Variants in AAMDC observed in about 807,000 individuals in gnomAD.
The protein encoded by AAMDC is mth938 domain-containing protein.
A neutral mutation model predicts 15.5 loss-of-function variants in AAMDC; 16 were observed. The observed-to-expected ratio is 1.03, with a 90% CI of 0.70 to 1.57. The LOEUF (loss-of-function observed/expected upper bound fraction) is 1.57, where lower values mean the gene tolerates loss of function less well. Ranked by LOEUF, AAMDC falls within the 40% of genes most tolerant of loss-of-function variation. AAMDC has a pLI of 0.00. For synonymous variants in AAMDC, 51 were observed against 51.6 expected (o/e 0.99, Z 0.05); for missense variants, 141 against 144.9 (o/e 0.97, Z 0.14).
At chr11:77,825,424 A>G (rs1435692712) in intron 1 of AAMDC, among the ~76,000 whole-genome samples, 1 of 152,222 alleles carries the variant, frequency 6.6e-6, no homozygotes. Flanking sequence ...AAGCTAAAAC[A>G]AGCTGCGCAC....
In AAMDC at chr11:77,853,949, A is replaced by G. The variant is rs1950502994; in HGVS notation, c.132+11321A>G. Among the ~76,000 whole-genome samples the G allele has an allele frequency of 1.3e-5, 2 of 151,800 alleles. 1 individual carries two copies. The highest frequency in any genetic ancestry group is 4.1e-4 in the South Asian group (2 of 4,820). ...GAGTGAGACTCCGTCTCAAAAAAAT[A>G]AACAAATAAATACAACCATGCCTTC... On this transcript the variant is annotated intron_variant, in intron 2 of 3. Transcript: ENST00000393427.
chr11:77,868,905 C>T (rs1488105384), intron 2 of AAMDC: 2 of 203,928 alleles, frequency 9.8e-6, no homozygotes, highest in Non-Finnish European at 2.0e-5. Context: ...TCTTAGTGTG[C>T]TTAATGTGCT....
chr11:77,850,671 A>G (rs1037283746), intron 2 of AAMDC: 1 of 152,198 alleles, frequency 6.6e-6, no homozygotes, highest in African/African-American at 2.4e-5. Context: ...CAGAATAGTT[A>G]TGTGAATAAT....
intron 2 of AAMDC, among the ~76,000 whole-genome samples, chr11:77,852,191 C>T (rs1313585126): frequency 3.9e-5 from 4 of 102,768 alleles, no homozygotes; most frequent in African/African-American, 1.6e-4. Flanking sequence ...GTGAGCTTCA[C>T]TCCAGCCTGG....
At chr11:77,869,637 C>T in intron 2 of AAMDC, 85 bp from the exon 3 acceptor site, 2 of 1,324,990 alleles carry the variant, frequency 1.5e-6, no homozygotes, top group Non-Finnish European at 2.2e-6. Context: ...GTAGACATTT[C>T]TTGAATGAAT....
intron 2 of AAMDC, among the ~76,000 whole-genome samples, chr11:77,845,601 T>C (rs986341194): frequency 5.3e-5 from 8 of 152,112 alleles, no homozygotes; most frequent in Non-Finnish European, 1.0e-4. Context: ...CAGCTCTTTT[T>C]GTATTTTTAG....
chr11:77,873,112 T>G (rs1951501072), downstream of AAMDC, among the ~76,000 whole-genome samples: 1 of 152,338 alleles, frequency 6.6e-6, no homozygotes, highest in South Asian at 2.1e-4. Flanking sequence ...CACCTTATTT[T>G]TAATTTTTCT....
At chr11:77,854,193 C>T (rs1184527332) in intron 2 of AAMDC, among the ~76,000 whole-genome samples, 3 of 152,016 alleles carry the variant, frequency 2.0e-5, no homozygotes, top group African/African-American at 4.8e-5. Context: ...GGGGTTTCAT[C>T]GTGTTAGCCA....
intron 5 of AAMDC, chr11:77,878,736 T>G (rs1951678056): frequency 1.4e-6 from 1 of 695,772 alleles, no homozygotes; most frequent in Admixed American, 2.1e-5. Context: ...TTTTCTCAAC[T>G]TTATTGTGGA....
At chr11:77,876,852 TC>T (rs1457466238), downstream of AAMDC, 3 of 626,258 alleles carry the variant, frequency 4.8e-6, no homozygotes, top group African/African-American at 5.5e-5. Flanking sequence ...GGGGTACTTA[TC>T]TGAAAAATAT....
At chr11:77,877,086 T>C (rs1253357307), downstream of AAMDC, 1 of 701,680 alleles carries the variant, frequency 1.4e-6, no homozygotes, top group Non-Finnish European at 2.6e-6. Flanking sequence ...CTGGAGTTAA[T>C]CATTCTTCCC....
intron 1 of AAMDC, chr11:77,829,516 G>C (rs1312504277): frequency 6.6e-6 from 1 of 152,162 alleles, no homozygotes; most frequent in African/African-American, 2.4e-5. Flanking sequence ...GGAAAGAATA[G>C]TTTTTGCAAC....
intron 2 of AAMDC, 54 bp downstream of exon 2, chr11:77,842,682 A>T: frequency 6.3e-7 from 1 of 1,598,054 alleles, no homozygotes; most frequent in Non-Finnish European, 8.5e-7. Context: ...GTGATTTCCA[A>T]CTTCCTAAGC....
At chr11:77,877,268 T>C (rs1951625483), downstream of AAMDC, among the ~76,000 whole-genome samples, 1 of 149,662 alleles carries the variant, frequency 6.7e-6, no homozygotes, top group Admixed American at 6.7e-5. Context: ...AATTAATTAA[T>C]GTAAAGAGCT....
At chr11:77,822,165 C>T (rs1383546416) in intron 1 of AAMDC, among the ~76,000 whole-genome samples, 4 of 151,984 alleles carry the variant, frequency 2.6e-5, no homozygotes, top group Non-Finnish European at 5.9e-5. Context: ...TTTGGCCGGG[C>T]GCGGTGGCTC....
intron 2 of AAMDC, among the ~76,000 whole-genome samples, chr11:77,852,293 A>G (rs1950427870): frequency 6.6e-6 from 1 of 151,856 alleles, no homozygotes; most frequent in Non-Finnish European, 1.5e-5. Context: ...ACTGAAATTA[A>G]TGATCATTTT....
chr11:77,846,073 C>T lies in AAMDC; in HGVS notation c.132+3445C>T, dbSNP rs140487145. ...TGGCAACACCGGAAATCAACTCCCC[C>T]TCCCATTCTGAGGGTTTGTTGTTGC... On this transcript the variant is annotated intron_variant, in intron 2 of 3. Transcript: ENST00000393427. 4.5e-3 allele frequency among the ~76,000 whole-genome samples: 685 copies of T among 152,202 alleles called. 1 individual carries two copies. Among genetic ancestry groups the T allele is most frequent in the Non-Finnish European group, 7.7e-3 (523 of 68,008 alleles).
At chr11:77,831,862 A>ATTTTTTTTT (rs767406733) in intron 1 of AAMDC, 2 of 80,790 alleles carry the variant, frequency 2.5e-5, no homozygotes, top group Non-Finnish European at 4.5e-5. Flanking sequence ...TGCCTGGCTA[A>ATTTTTTTTT]TTTTTTTTTT....
At chr11:77,869,168 A>G in intron 2 of AAMDC, 1 of 241,600 alleles carries the variant, frequency 4.1e-6, no homozygotes, top group Non-Finnish European at 8.2e-6. Context: ...TATTGGGTGC[A>G]TCTCCTCTTT....
Sources: allele counts gnomAD v4.1 joint callset (sites outside exome capture counted in the v4.1 genomes callset), GRCh38; gene constraint gnomAD v4.1.1; transcripts MANE v1.5; gene names NCBI Gene and HGNC (gene_info 2026-07-23, HGNC 2026-07-21).